Variants in CPNE4 observed in about 807,000 individuals in gnomAD.
CPNE4 encodes copine-4.
CPNE4 carries 25 observed loss-of-function variants against 67.9 expected under a neutral mutation model. The ratio of observed to expected loss-of-function variants is 0.37; its 90% CI spans 0.27 to 0.51. The LOEUF is 0.51. CPNE4 is among the 20% of genes least tolerant of loss of function. The pLI is 0.93. For missense variants in CPNE4, 464 were observed against 690.8 expected (o/e 0.67, Z 3.68); for synonymous variants, 242 against 244.9 (o/e 0.99, Z 0.11).
intron 3 of CPNE4, among the ~76,000 whole-genome samples, chr3:131,713,142 T>C (rs1293794992): frequency 1.3e-5 from 2 of 151,754 alleles, no homozygotes; most frequent in Admixed American, 6.6e-5. Flanking sequence ...TTTTTTAGCA[T>C]TGATACACTA....
chr3:131,937,799 T>A (rs1308165015), intron 1 of CPNE4, among the ~76,000 whole-genome samples: 1 of 151,864 alleles, frequency 6.6e-6, no homozygotes, highest in Non-Finnish European at 1.5e-5. Context: ...AATTGAAAAA[T>A]CAAATAATAA....
chr3:131,580,388 C>CTATACATATACATATACATATACA (rs56222832), intron 9 of CPNE4, among the ~76,000 whole-genome samples: 44 of 132,300 alleles, frequency 3.3e-4, no homozygotes, highest in African/African-American at 8.2e-4. Context: ...ACATTGGCCT[C>CTATACATATACATATACATATACA]TATACATATA....
intron 11 of CPNE4, among the ~76,000 whole-genome samples, chr3:131,558,539 A>T (rs542974529): frequency 1.3e-4 from 19 of 146,824 alleles, no homozygotes; most frequent in Admixed American, 6.0e-4. Flanking sequence ...AAAATACAAT[A>T]AAAAAAAACC....
intron 6 of CPNE4, among the ~76,000 whole-genome samples, chr3:131,675,994 G>C (rs2080551028): frequency 6.8e-6 from 1 of 146,584 alleles, no homozygotes; most frequent in Admixed American, 6.8e-5. Flanking sequence ...TTCAATTTGA[G>C]GTTACCATGA....
intron 11 of CPNE4, among the ~76,000 whole-genome samples, chr3:131,563,978 T>C (rs187877132): frequency 1.7e-3 from 262 of 152,150 alleles, no homozygotes; most frequent in African/African-American, 6.2e-3. Flanking sequence ...GAAACCAAAA[T>C]TGCTATCCAA....
At chr3:131,856,228 G>A (rs963655007) in intron 2 of CPNE4, among the ~76,000 whole-genome samples, 1 of 151,536 alleles carries the variant, frequency 6.6e-6, no homozygotes, top group Non-Finnish European at 1.5e-5. Flanking sequence ...AAACATAAAC[G>A]TGTTTTATGT....
At chr3:131,908,174 CAG>C (rs1481147758) in intron 1 of CPNE4, among the ~76,000 whole-genome samples, 1 of 152,146 alleles carries the variant, frequency 6.6e-6, no homozygotes. Flanking sequence ...AACCTCCGTA[CAG>C]AGTCATACAT....
chr3:131,812,567 C>T (rs1209516760), intron 2 of CPNE4, among the ~76,000 whole-genome samples: 1 of 152,184 alleles, frequency 6.6e-6, no homozygotes, highest in Non-Finnish European at 1.5e-5. Context: ...ACCAACAGCC[C>T]TAGGGCTAAA....
At chr3:131,852,732 A>T (rs1177531219) in intron 2 of CPNE4, among the ~76,000 whole-genome samples, 2 of 151,868 alleles carry the variant, frequency 1.3e-5, no homozygotes, top group Non-Finnish European at 2.9e-5. Context: ...ATTATTTTGT[A>T]CTCAGAAAGT....
intron 3 of CPNE4, among the ~76,000 whole-genome samples, chr3:131,719,802 C>A (rs1223477393): frequency 6.6e-6 from 1 of 152,198 alleles, no homozygotes; most frequent in Non-Finnish European, 1.5e-5. Context: ...TGTAGTGGTT[C>A]CAGGAATCAC....
At chr3:131,583,573 G>C (rs1937980150) in intron 8 of CPNE4, among the ~76,000 whole-genome samples, 1 of 152,140 alleles carries the variant, frequency 6.6e-6, no homozygotes, top group African/African-American at 2.4e-5. Flanking sequence ...AAAAATTATA[G>C]TGATCATCCA....
intron 2 of CPNE4, among the ~76,000 whole-genome samples, chr3:131,878,232 CAGT>C (rs1409186310): frequency 4.6e-5 from 7 of 152,086 alleles, no homozygotes; most frequent in Admixed American, 2.0e-4. Context: ...TGTTCATCAG[CAGT>C]AGGATAGATA....
rs997970419 is a variant in CPNE4 at position 132,008,723 on chromosome 3, G to C, written c.-2+25844C>G. Among the ~76,000 whole-genome samples the C allele has an allele frequency of 1.1e-4, 16 of 151,808 alleles. No homozygotes were observed. The East Asian group carries it at 3.1e-3, about 29-fold the overall frequency. ...CCTAAACTTCTAATGATTTTTTCCTGGTGGTTTTATTTAGCTCCAAAAACT... is the reference window on the plus strand; with the variant it reads ...CCTAAACTTCTAATGATTTTTTCCTCGTGGTTTTATTTAGCTCCAAAAACT... On this transcript the variant is annotated intron_variant, in intron 1 of 15. Coordinates refer to ENST00000429747, the MANE Select transcript of CPNE4 (RefSeq NM_130808.3).
At chr3:131,716,534 C>T (rs876519) in intron 3 of CPNE4, among the ~76,000 whole-genome samples, 82,058 of 151,958 alleles carry the variant, frequency 0.54, 22,832 homozygotes, top group African/African-American at 0.67. Context: ...CTATTATACT[C>T]GCCCAGGACG....
chr3:131,568,812 C>T (rs1347281678), intron 10 of CPNE4, among the ~76,000 whole-genome samples: 1 of 152,026 alleles, frequency 6.6e-6, no homozygotes, highest in Non-Finnish European at 1.5e-5. Flanking sequence ...AGATCCCTTC[C>T]CTTCATCTGC....
At chr3:131,770,836 C>A (rs2083148263) in intron 2 of CPNE4, among the ~76,000 whole-genome samples, 1 of 152,170 alleles carries the variant, frequency 6.6e-6, no homozygotes, top group African/African-American at 2.4e-5. Flanking sequence ...TGACTTGGAT[C>A]CCTGAATCTA....
At chr3:131,650,006 C>T (rs1263947843) in intron 7 of CPNE4, among the ~76,000 whole-genome samples, 1 of 152,000 alleles carries the variant, frequency 6.6e-6, no homozygotes, top group Non-Finnish European at 1.5e-5. Flanking sequence ...AGGTTATTGG[C>T]AGAATTTGTG....
intron 1 of CPNE4, among the ~76,000 whole-genome samples, chr3:132,031,761 A>G (rs1467795956): frequency 6.6e-6 from 1 of 152,210 alleles, no homozygotes; most frequent in African/African-American, 2.4e-5. Context: ...ATTAATTCCA[A>G]AAGATTCAAA....
chr3:131,870,702 C>T (rs759629349), intron 2 of CPNE4, among the ~76,000 whole-genome samples: 1 of 152,024 alleles, frequency 6.6e-6, no homozygotes, highest in African/African-American at 2.4e-5. Flanking sequence ...ATTGTTCCCC[C>T]GAAACCAGCT....
Sources: allele counts gnomAD v4.1 joint callset (sites outside exome capture counted in the v4.1 genomes callset), GRCh38; gene constraint gnomAD v4.1.1; transcripts MANE v1.5; gene names NCBI Gene and HGNC (gene_info 2026-07-23, HGNC 2026-07-21).